Variants in ST3GAL3 observed in about 807,000 individuals in gnomAD.
ST3GAL3 encodes the protein CMP-N-acetylneuraminate-beta-1,4-galactoside alpha-2,3-sialyltransferase.
In ST3GAL3, 21 loss-of-function variants were observed where a neutral mutation model predicts 50.1. The observed-to-expected ratio is 0.42, with a 90% CI of 0.30 to 0.60. ST3GAL3 has a LOEUF of 0.60. ST3GAL3 is among the 20% of genes least tolerant of loss of function. The pLI, the probability that ST3GAL3 is intolerant of heterozygous loss-of-function variation, is 0.19. For synonymous variants in ST3GAL3, 183 were observed against 190.0 expected (o/e 0.96, Z 0.30); for missense variants, 353 against 489.4 (o/e 0.72, Z 2.63).
intron 1 of ST3GAL3, among the ~76,000 whole-genome samples, chr1:43,734,245 A>G (rs1677211248): frequency 6.7e-6 from 1 of 149,838 alleles, no homozygotes; most frequent in African/African-American, 2.4e-5. Flanking sequence ...TCATGAATGG[A>G]ATTTTTTCAC....
At chr1:43,771,887 A>G (rs1212428494) in intron 2 of ST3GAL3, 2 of 398,362 alleles carry the variant, frequency 5.0e-6, no homozygotes, top group African/African-American at 4.1e-5. Flanking sequence ...TTTACAGAAG[A>G]TGGCCTGTTT....
chr1:43,766,490 C>T (rs530264977), intron 2 of ST3GAL3, among the ~76,000 whole-genome samples: 3 of 152,136 alleles, frequency 2.0e-5, no homozygotes, highest in South Asian at 4.2e-4. Flanking sequence ...AGGGACCTGG[C>T]GGTTGGGGTA....
At chr1:43,845,070 G>A (rs2066014041) in intron 5 of ST3GAL3, among the ~76,000 whole-genome samples, 3 of 152,002 alleles carry the variant, frequency 2.0e-5, no homozygotes, top group Admixed American at 2.0e-4. Flanking sequence ...TGCAACCTCC[G>A]CCTCCTGGGT....
chr1:43,811,565 C>T (rs1340102187), intron 3 of ST3GAL3, among the ~76,000 whole-genome samples: 2 of 152,208 alleles, frequency 1.3e-5, no homozygotes, highest in African/African-American at 4.8e-5. Context: ...ACCCTCCAGG[C>T]AGATCTTCTG....
At chr1:43,804,225 C>CT (rs1458859791) in intron 3 of ST3GAL3, among the ~76,000 whole-genome samples, 1 of 152,182 alleles carries the variant, frequency 6.6e-6, no homozygotes, top group Admixed American at 6.5e-5. Flanking sequence ...ACATGCAACT[C>CT]TAAGAACACA....
intron 11 of ST3GAL3, among the ~76,000 whole-genome samples, chr1:43,928,197 AGG>A (rs2084361477): frequency 6.6e-6 from 1 of 152,226 alleles, no homozygotes; most frequent in Non-Finnish European, 1.5e-5. Context: ...TATGTTGCCC[AGG>A]TGGACTAAGC....
chr1:43,733,815 C>T (rs1443422409), intron 1 of ST3GAL3, among the ~76,000 whole-genome samples: 1 of 152,230 alleles, frequency 6.6e-6, no homozygotes, highest in African/African-American at 2.4e-5. Context: ...ATTGAATCTT[C>T]TCACTTAAGA....
chr1:43,729,295 G>T (rs1009524322), intron 1 of ST3GAL3, among the ~76,000 whole-genome samples: 2 of 151,974 alleles, frequency 1.3e-5, no homozygotes, highest in African/African-American at 4.8e-5. Flanking sequence ...GCCCAGGCTG[G>T]TCTCAAACTC....
chr1:43,840,710 C>G (rs995200005), intron 5 of ST3GAL3: 1 of 152,132 alleles, frequency 6.6e-6, no homozygotes, highest in Non-Finnish European at 1.5e-5. Context: ...TAAAATTTCT[C>G]TCTTTTGTAC....
intron 5 of ST3GAL3, among the ~76,000 whole-genome samples, chr1:43,853,476 G>A (rs1237276605): frequency 1.3e-5 from 2 of 152,212 alleles, no homozygotes; most frequent in Non-Finnish European, 2.9e-5. Context: ...CACACAGATA[G>A]GAAGTGATAA....
chr1:43,734,931 C>G (rs80337565), intron 1 of ST3GAL3, among the ~76,000 whole-genome samples: 2 of 152,058 alleles, frequency 1.3e-5, no homozygotes, highest in East Asian at 3.9e-4. Context: ...TAAGGTGTAC[C>G]TGCTATGCAT....
At chr1:43,838,382 C>T in intron 5 of ST3GAL3, 71 bp downstream of exon 5, 1 of 1,372,542 alleles carries the variant, frequency 7.3e-7, no homozygotes, top group Non-Finnish European at 1.0e-6. Flanking sequence ...AACTCTGCCT[C>T]TCACAGCCAG....
At chr1:43,816,090 A>C (rs988194517) in intron 4 of ST3GAL3, among the ~76,000 whole-genome samples, 1 of 152,054 alleles carries the variant, frequency 6.6e-6, no homozygotes, top group Non-Finnish European at 1.5e-5. Context: ...ATTCCTTTCT[A>C]TTGTTAGTCA....
At chr1:43,803,818 G>A (rs558683338) in intron 3 of ST3GAL3, among the ~76,000 whole-genome samples, 9 of 152,318 alleles carry the variant, frequency 5.9e-5, no homozygotes, top group African/African-American at 1.9e-4. Flanking sequence ...CTTGGTGCAC[G>A]TGCAGGAGGG....
At chr1:43,896,426 A>T (rs746786381) in intron 6 of ST3GAL3, among the ~76,000 whole-genome samples, 2 of 152,230 alleles carry the variant, frequency 1.3e-5, no homozygotes, top group Non-Finnish European at 2.9e-5. Context: ...TACCCAGCTG[A>T]AGAAATAAAA....
intron 4 of ST3GAL3, among the ~76,000 whole-genome samples, chr1:43,827,448 T>G (rs866891202): frequency 6.6e-6 from 1 of 152,094 alleles, no homozygotes. Flanking sequence ...ATGAAAGAAA[T>G]CAAAGAAATC....
chr1:43,801,186 A>G (rs953004248), intron 3 of ST3GAL3: 1 of 431,076 alleles, frequency 2.3e-6, no homozygotes, highest in African/African-American at 2.0e-5. Flanking sequence ...ACCAAACTTT[A>G]TATACCTCAA....
At chr1:43,827,338 CA>C (rs201997566) in intron 4 of ST3GAL3, among the ~76,000 whole-genome samples, 91 of 148,160 alleles carry the variant, frequency 6.1e-4, no homozygotes, top group South Asian at 2.6e-3. Flanking sequence ...ACATTAGTGC[CA>C]AAAAAAAAGG....
intron 2 of ST3GAL3, among the ~76,000 whole-genome samples, chr1:43,746,818 A>G (rs1683916973): frequency 6.7e-6 from 1 of 148,438 alleles, no homozygotes; most frequent in Non-Finnish European, 1.5e-5. Flanking sequence ...GTTGGAGTGC[A>G]GTGGCGCCAT....
Sources: gnomAD v4.1 joint callset for allele counts (sites outside exome capture counted in the v4.1 genomes callset) on GRCh38, gnomAD v4.1.1 for gene constraint, MANE v1.5 for transcripts, NCBI Gene and HGNC (gene_info 2026-07-23, HGNC 2026-07-21) for gene names.